The following ARB2A variants were observed in gnomAD, a reference collection of about 807,000 sequenced individuals.
The protein encoded by ARB2A is ARB2 cotranscriptional regulator A.
chr5:93,719,694 T>C, the ARB2A span, among the ~76,000 whole-genome samples: 2 of 152,218 alleles, frequency 1.3e-5, no homozygotes, highest in Non-Finnish European at 2.9e-5. Context: ...TACAAGCTGC[T>C]GTGATCACAT....
chr5:93,856,325 G>T, the ARB2A span, among the ~76,000 whole-genome samples: 1 of 152,078 alleles, frequency 6.6e-6, no homozygotes, highest in African/African-American at 2.4e-5. Context: ...CTGAATGTTG[G>T]CCTGCCTTGC....
chr5:93,745,528 T>A, the ARB2A span, among the ~76,000 whole-genome samples: 6 of 152,104 alleles, frequency 3.9e-5, no homozygotes, highest in African/African-American at 1.4e-4. Flanking sequence ...TGTTGGTCAG[T>A]TATTTCACTG....
the ARB2A span, among the ~76,000 whole-genome samples, chr5:93,812,766 T>C: frequency 6.6e-6 from 1 of 152,238 alleles, no homozygotes. Flanking sequence ...GACTCGATTA[T>C]AAAATTGTCA....
the ARB2A span, among the ~76,000 whole-genome samples, chr5:93,760,659 T>C: frequency 6.6e-6 from 1 of 152,108 alleles, no homozygotes; most frequent in Non-Finnish European, 1.5e-5. Flanking sequence ...GGAAAGGACA[T>C]CCTTTTCAAC....
the ARB2A span, among the ~76,000 whole-genome samples, chr5:93,967,238 A>C: frequency 6.6e-6 from 1 of 152,248 alleles, no homozygotes; most frequent in East Asian, 1.9e-4. Flanking sequence ...GGAAAAGAAA[A>C]GGCTTAAGAG....
the ARB2A span, among the ~76,000 whole-genome samples, chr5:93,800,946 T>C: frequency 6.6e-6 from 1 of 152,180 alleles, no homozygotes; most frequent in East Asian, 1.9e-4. Context: ...TAAGTTACTT[T>C]TGAACTACGA....
chr5:94,028,872 T>C, the ARB2A span, among the ~76,000 whole-genome samples: 1 of 152,164 alleles, frequency 6.6e-6, no homozygotes, highest in South Asian at 2.1e-4. Context: ...ATAACCATAA[T>C]ACCGTTATCT....
chr5:93,774,569 C>A, the ARB2A span, among the ~76,000 whole-genome samples: 3 of 152,176 alleles, frequency 2.0e-5, no homozygotes, highest in Admixed American at 1.3e-4. Flanking sequence ...ACATTGTAAA[C>A]AAGTATCCTT....
the ARB2A span, among the ~76,000 whole-genome samples, chr5:93,724,970 G>C: frequency 6.6e-6 from 1 of 152,044 alleles, no homozygotes; most frequent in African/African-American, 2.4e-5. Context: ...ACTAATGGGA[G>C]GTTGGCATAT....
At chr5:94,101,466 T>C in the ARB2A span, among the ~76,000 whole-genome samples, 1 of 152,176 alleles carries the variant, frequency 6.6e-6, no homozygotes, top group East Asian at 1.9e-4. Context: ...AGGAAGACTA[T>C]CTACCATAAT....
At chr5:93,932,666 C>T in the ARB2A span, among the ~76,000 whole-genome samples, 1 of 152,126 alleles carries the variant, frequency 6.6e-6, no homozygotes, top group African/African-American at 2.4e-5. Flanking sequence ...ATAATTGGAA[C>T]TGTTTTTCAT....
At chr5:93,725,628 C>T in the ARB2A span, among the ~76,000 whole-genome samples, 1 of 151,924 alleles carries the variant, frequency 6.6e-6, no homozygotes, top group Non-Finnish European at 1.5e-5. Flanking sequence ...CCTTGCTAAT[C>T]CCAAAGAATT....
At chr5:93,728,887 T>C in the ARB2A span, among the ~76,000 whole-genome samples, 1 of 152,170 alleles carries the variant, frequency 6.6e-6, no homozygotes, top group Non-Finnish European at 1.5e-5. Context: ...GAAAGACTGA[T>C]ATATTAATCT....
the ARB2A span, chr5:94,074,529 AC>A: frequency 2.8e-6 from 2 of 710,768 alleles, no homozygotes; most frequent in Non-Finnish European, 2.3e-6. Flanking sequence ...AATTGCAAAT[AC>A]TTTAGGTACT....
chr5:93,902,726 A>G, the ARB2A span, among the ~76,000 whole-genome samples: 1 of 152,140 alleles, frequency 6.6e-6, no homozygotes, highest in Non-Finnish European at 1.5e-5. Context: ...TGTGGCTCAT[A>G]AAATTCTCTC....
chr5:93,728,030 T>C, the ARB2A span, among the ~76,000 whole-genome samples: 6 of 152,138 alleles, frequency 3.9e-5, no homozygotes, highest in Admixed American at 3.9e-4. Context: ...AGGATTTCAG[T>C]ATTCACAGAT....
chr5:93,763,508 A>G, the ARB2A span, among the ~76,000 whole-genome samples: 1 of 152,252 alleles, frequency 6.6e-6, no homozygotes, highest in Non-Finnish European at 1.5e-5. Flanking sequence ...TACCCTAAAT[A>G]TATATGCACC....
chr5:93,641,567 A>G, the ARB2A span, among the ~76,000 whole-genome samples: 1 of 152,346 alleles, frequency 6.6e-6, no homozygotes, highest in African/African-American at 2.4e-5. Context: ...GTAGAAACAC[A>G]GGATTGTGGA....
At chr5:93,700,877 T>C in the ARB2A span, among the ~76,000 whole-genome samples, 2 of 152,108 alleles carry the variant, frequency 1.3e-5, no homozygotes, top group Non-Finnish European at 2.9e-5. Context: ...TTAAAAACAC[T>C]CTCTCTGTAA....
Sources: allele counts gnomAD v4.1 joint callset (sites outside exome capture counted in the v4.1 genomes callset), GRCh38; gene constraint gnomAD v4.1.1; transcripts MANE v1.5; gene names NCBI Gene and HGNC (gene_info 2026-07-23, HGNC 2026-07-21).